ARHGEF12: variants seen among roughly 807,000 people sequenced by gnomAD.
ARHGEF12 encodes the protein Rho guanine nucleotide exchange factor 12.
ARHGEF12 carries 66 observed loss-of-function variants against 211.2 expected under a neutral mutation model. The observed-to-expected ratio is 0.31, with a 90% CI of 0.26 to 0.38. The LOEUF is 0.38. Among genes scored for constraint, ARHGEF12 ranks in the 10% least tolerant of loss-of-function variants. The probability of loss-of-function intolerance (pLI) is 1.00; values close to 1 mark genes in which losing one functional copy is unlikely to be tolerated. For synonymous variants in ARHGEF12, 592 were observed against 638.4 expected, an observed-to-expected ratio of 0.93 and a Z score of 1.09; for missense variants, 1,429 against 1,869.5, an observed-to-expected ratio of 0.76 and a Z score of 4.34.
chr11:120,404,217 A>G (rs1431952647), intron 1 of ARHGEF12, among the ~76,000 whole-genome samples: 1 of 152,134 alleles, frequency 6.6e-6, no homozygotes, highest in Admixed American at 6.5e-5. Flanking sequence ...CAGCTCTCTG[A>G]TTACATCTGT....
rs548328008 is a variant in ARHGEF12 at position 120,462,652 on chromosome 11, A to G, written c.2613+1895A>G. The G allele has an allele frequency of 3.9e-5, 6 of 152,374 alleles. No individual in the cohort carries two copies. In the East Asian group the frequency reaches 7.7e-4, roughly 20 times the overall value. The allele number at this position is 152,374 out of a possible 1,614,324, so 9.4% of individuals were successfully genotyped here. A position where few individuals can be genotyped will look rare whatever the true frequency, so the allele number is the denominator to read the frequency against. On this transcript the variant is annotated intron_variant, in intron 27 of 40. Coordinates refer to ENST00000397843, the MANE Select transcript of ARHGEF12 (RefSeq NM_015313.3). ...ATGGTGGTTTGTAACTGTCACATACAAAGCGTTAATTTAGAAGAAGGCATT... is the reference window on the plus strand; with the variant it reads ...ATGGTGGTTTGTAACTGTCACATACGAAGCGTTAATTTAGAAGAAGGCATT...
chr11:120,465,374 G>T lies in ARHGEF12; in HGVS notation c.2739+12G>T, dbSNP rs1392126007. ...AGACTTTTGTGCAAGTGAGTTGAGT[G>T]AGTCATGTAAGAAAAAAAATAAGGC... On this transcript the variant is annotated intron_variant, in intron 28 of 40. Coordinates refer to ENST00000397843, the MANE Select transcript of ARHGEF12 (RefSeq NM_015313.3). 4 of 1,613,530 alleles carry T rather than the reference G, an allele frequency of 2.5e-6. No individual in the cohort carries two copies. The highest frequency in any genetic ancestry group is 3.4e-6 in the Non-Finnish European group (4 of 1,179,800).
chr11:120,422,656 A>G (rs1011186805), intron 6 of ARHGEF12, among the ~76,000 whole-genome samples: 4 of 152,234 alleles, frequency 2.6e-5, no homozygotes, highest in Non-Finnish European at 4.4e-5. Flanking sequence ...TTCTGGTACC[A>G]GGTATTTCAG....
At chr11:120,456,005 A>G (rs117359155) in intron 22 of ARHGEF12, among the ~76,000 whole-genome samples, 3,616 of 152,320 alleles carry the variant, frequency 0.024, 69 homozygotes, top group Non-Finnish European at 0.038. Flanking sequence ...GGATTGCATC[A>G]TTGGACCGGT....
chr11:120,350,036 A>T (rs1371016062), intron 1 of ARHGEF12, among the ~76,000 whole-genome samples: 1 of 152,192 alleles, frequency 6.6e-6, no homozygotes, highest in Admixed American at 6.5e-5. Context: ...GATCACTCAG[A>T]ATTTGTCCAG....
chr11:120,337,756 G>T, intron 1 of ARHGEF12: 2 of 985,466 alleles, frequency 2.0e-6, no homozygotes, highest in Non-Finnish European at 2.4e-6. Flanking sequence ...ATCTCTTTCA[G>T]ATGTTGACCT....
chr11:120,343,400 A>T (rs1942594498), intron 1 of ARHGEF12, among the ~76,000 whole-genome samples: 1 of 152,248 alleles, frequency 6.6e-6, no homozygotes, highest in African/African-American at 2.4e-5. Context: ...ATAGTCATAT[A>T]GGGAAGACCG....
At chr11:120,467,369 C>T in intron 29 of ARHGEF12, 61 bp downstream of exon 29, 1 of 984,392 alleles carries the variant, frequency 1.0e-6, no homozygotes, top group Non-Finnish European at 1.6e-6. Flanking sequence ...ACCCAATATC[C>T]TGTAAATAAT....
At chr11:120,406,976 A>G (rs1944724393) in intron 2 of ARHGEF12, among the ~76,000 whole-genome samples, 1 of 152,124 alleles carries the variant, frequency 6.6e-6, no homozygotes, top group Non-Finnish European at 1.5e-5. Context: ...CTTCCTCAGT[A>G]TTTTTGCTTT....
At position 120,345,701 on chromosome 11, in the gene ARHGEF12, CA is replaced by C. The variant is rs34619240; in HGVS notation, c.32+8446del. ...CTGGGCACAGAGCGAGACTCCGTCT[CA>C]AAAAAAAAAAAAAAAAAAACGAAAT... On this transcript the variant is annotated intron_variant, in intron 1 of 40. Coordinates refer to ENST00000397843, the MANE Select transcript of ARHGEF12 (RefSeq NM_015313.3). Among the ~76,000 whole-genome samples, 301 of 78,358 alleles carry C rather than the reference CA, an allele frequency of 3.8e-3. 1 individual carries two copies. Among genetic ancestry groups the C allele is most frequent in the East Asian group, 0.024 (45 of 1,848 alleles). 51.4% of individuals were successfully genotyped at this position (78,358 alleles called of 152,430 possible). A position where few individuals can be genotyped will look rare whatever the true frequency, so the allele number is the denominator to read the frequency against.
intron 22 of ARHGEF12, among the ~76,000 whole-genome samples, chr11:120,453,637 A>G (rs1230600183): frequency 1.2e-4 from 18 of 152,278 alleles, no homozygotes; most frequent in Non-Finnish European, 4.4e-5. Context: ...TGATCACTTG[A>G]TCCTAGGAAG....
At chr11:120,458,965 TA>T (rs1946442804) in intron 25 of ARHGEF12, 1 of 355,604 alleles carries the variant, frequency 2.8e-6, no homozygotes, top group African/African-American at 2.1e-5. Flanking sequence ...TTTTGAATGA[TA>T]TTTTTTATTT....
chr11:120,407,238 G>A lies in ARHGEF12; in HGVS notation c.57-500G>A, dbSNP rs150786486. 5.2e-3 allele frequency among the ~76,000 whole-genome samples: 797 copies of A among 152,318 alleles called. 2 individuals carry two copies. Among genetic ancestry groups the A allele is most frequent in the Non-Finnish European group, 7.8e-3 (533 of 68,028 alleles). ...AATAATAATGTCATTGGTCCTTAAAGTGGTTGGCTAAGACTTCTGTGGCTA... is the reference window on the plus strand; with the variant it reads ...AATAATAATGTCATTGGTCCTTAAAATGGTTGGCTAAGACTTCTGTGGCTA... On this transcript the variant is annotated intron_variant, in intron 2 of 40. Transcript: ENST00000397843.
chr11:120,406,182 A>T (rs1196452360), intron 2 of ARHGEF12, 41 bp downstream of exon 2: 4 of 1,366,714 alleles, frequency 2.9e-6, no homozygotes. Context: ...AGTTTAGGTT[A>T]TATTTTAATT....
intron 11 of ARHGEF12, among the ~76,000 whole-genome samples, chr11:120,436,297 A>C (rs1255135991): frequency 6.6e-6 from 1 of 152,034 alleles, no homozygotes; most frequent in East Asian, 1.9e-4. Context: ...AAAGTCATTC[A>C]TTTCTCCAAG....
At chr11:120,373,078 A>G (rs1261217453) in intron 1 of ARHGEF12, among the ~76,000 whole-genome samples, 1 of 152,200 alleles carries the variant, frequency 6.6e-6, no homozygotes, top group Non-Finnish European at 1.5e-5. Context: ...AATAACCATT[A>G]TATAAAATTT....
chr11:120,445,759 A>G (rs1265551907), intron 16 of ARHGEF12, among the ~76,000 whole-genome samples: 2 of 152,134 alleles, frequency 1.3e-5, no homozygotes, highest in African/African-American at 2.4e-5. Context: ...ATGAGCTGGC[A>G]TGATGGTGCA....
intron 12 of ARHGEF12, 182 bp from the exon 13 acceptor site, chr11:120,439,947 G>C: frequency 1.9e-6 from 1 of 529,506 alleles, no homozygotes; most frequent in South Asian, 2.8e-5. Flanking sequence ...CTCTGCCAGA[G>C]TGGTACATGG....
At chr11:120,467,433 CTT>C (rs370225155) in intron 29 of ARHGEF12, 125 bp downstream of exon 29, 7,935 of 296,910 alleles carry the variant, frequency 0.027, no homozygotes, top group East Asian at 0.038. Flanking sequence ...ACAAGATTTT[CTT>C]TTTTTTTTTT....
Sources: gnomAD v4.1 joint callset for allele counts (sites outside exome capture counted in the v4.1 genomes callset) on GRCh38, gnomAD v4.1.1 for gene constraint, MANE v1.5 for transcripts, NCBI Gene and HGNC (gene_info 2026-07-23, HGNC 2026-07-21) for gene names.